TMCO6: variants seen among roughly 807,000 people sequenced by gnomAD.
The protein encoded by TMCO6 is transmembrane and coiled-coil domains 6.
In TMCO6, 47 loss-of-function variants were observed where a neutral mutation model predicts 61.8. The ratio of observed to expected loss-of-function variants is 0.76; its 90% CI spans 0.60 to 0.97. The LOEUF (loss-of-function observed/expected upper bound fraction) is 0.97, where lower values mean the gene tolerates loss of function less well. TMCO6 is among the 50% of genes least tolerant of loss of function. TMCO6 has a pLI of 0.00. For synonymous variants in TMCO6, 261 were observed against 254.2 expected, an observed-to-expected ratio of 1.03 and a Z score of -0.25; for missense variants, 557 against 601.6, an observed-to-expected ratio of 0.93 and a Z score of 0.78.
the TMCO6 span, chr5:140,632,486 C>G: frequency 4.3e-6 from 7 of 1,613,954 alleles, no homozygotes; most frequent in Middle Eastern, 3.3e-4. The surrounding 1 kb of genome is among the most constrained non-coding windows in gnomAD (Gnocchi z 6.2). Flanking sequence ...GCTTGAGCCA[C>G]TGCTGCAGCT....
At chr5:140,637,596 T>A (rs981580709), upstream of TMCO6, among the ~76,000 whole-genome samples, 6 of 152,124 alleles carry the variant, frequency 3.9e-5, no homozygotes, top group African/African-American at 1.4e-4. Context: ...TGATGGGAAG[T>A]AGGGGTTGAA....
At chr5:140,599,024 G>A in the TMCO6 span, among the ~76,000 whole-genome samples, 1 of 152,218 alleles carries the variant, frequency 6.6e-6, no homozygotes, top group African/African-American at 2.4e-5. Flanking sequence ...TTTGTTCAAT[G>A]TAATCTATCT....
Position 140,642,936 on chromosome 5 carries a change from C to T in TMCO6, c.701C>T (p.Ala234Val). 6.2e-7 allele frequency: 1 copy of T among 1,614,188 alleles called. No homozygotes were observed. The highest frequency in any genetic ancestry group is 8.5e-7 in the Non-Finnish European group (1 of 1,180,042). Residue 234 changes from alanine (A) to valine (V), a missense_variant, in exon 7 of 12, where the codon GCC (alanine) becomes GTC (valine). Coordinates refer to ENST00000394671, the MANE Select transcript of TMCO6 (RefSeq NM_018502.5). ...APEKIIPSIL[A>V]STLPQHMLQM... The stretch of plus-strand genomic sequence containing the variant: ...GCTTCTGCCAGCAGCTCCATCTTGG[C>T]CTCCACTCTCCCTCAGCACATGCTA...
In TMCO6 at chr5:140,642,634, C is replaced by G. The variant is rs774380896; in HGVS notation, c.652C>G (p.Leu218Val). The G allele has an allele frequency of 6.2e-7, 1 of 1,614,228 alleles. No individual in the cohort carries two copies. Among genetic ancestry groups the G allele is most frequent in the East Asian group, 2.2e-5 (1 of 44,888 alleles). The change falls in exon 6 of 12, where the codon CTT becomes GTT. Residue 218 changes from leucine to valine, a missense_variant. By Grantham distance (32) the Leu-to-Val change is conservative (BLOSUM62 1). Coordinates refer to ENST00000394671, the MANE Select transcript of TMCO6 (RefSeq NM_018502.5). ...LEALGYALSQLLQAEEAPEKI... is the reference protein window; with the variant it reads ...LEALGYALSQVLQAEEAPEKI... ...AGCTCTCGGATATGCCTTGTCCCAG[C>G]TTCTACAGGCTGAGGAAGCTCCAGA...
At chr5:140,636,541 T>A (rs1253538701), upstream of TMCO6, among the ~76,000 whole-genome samples, 1 of 151,762 alleles carries the variant, frequency 6.6e-6, no homozygotes, top group Non-Finnish European at 1.5e-5. Context: ...AAATTTTTTT[T>A]AATTAAAAAA....
Position 140,645,240 on chromosome 5 carries a change from C to G in TMCO6, c.*142C>G. On this transcript the variant is annotated 3_prime_UTR_variant, in exon 12 of 12. Coordinates refer to ENST00000394671, the MANE Select transcript of TMCO6 (RefSeq NM_018502.5). ...AAGCCAAGACCTTTGGGTCCCAGCT[C>G]CTCCCCTTCCACTCAGCACTATCCA... 1.2e-6 allele frequency: 1 copy of G among 824,650 alleles called. No homozygotes were observed. Among genetic ancestry groups the G allele is most frequent in the Non-Finnish European group, 1.9e-6 (1 of 514,482 alleles). The allele number at this position is 824,650 out of a possible 1,614,324, so 51.1% of individuals were successfully genotyped here.
At chr5:140,610,000 G>A in the TMCO6 span, among the ~76,000 whole-genome samples, 1 of 151,696 alleles carries the variant, frequency 6.6e-6, no homozygotes, top group African/African-American at 2.4e-5. Context: ...AGCCTCCCAA[G>A]TAACTGGGAC....
At chr5:140,642,103 T>C in intron 4 of TMCO6, 50 bp downstream of exon 4, 2 of 1,573,582 alleles carry the variant, frequency 1.3e-6, no homozygotes, top group Non-Finnish European at 1.7e-6. Context: ...TTTAAAATTG[T>C]GCTTTTGGGA....
chr5:140,631,760 G>C, the TMCO6 span: 1 of 1,154,364 alleles, frequency 8.7e-7, no homozygotes, highest in Non-Finnish European at 1.2e-6. Flanking sequence ...TAAAGGTGGG[G>C]CAAAGGGTTG....
the TMCO6 span, among the ~76,000 whole-genome samples, chr5:140,630,234 C>T: frequency 3.3e-5 from 5 of 151,886 alleles, no homozygotes; most frequent in Admixed American, 6.6e-5. Flanking sequence ...CCTCGTGATC[C>T]GCCCACCTCA....
chr5:140,612,413 C>T, the TMCO6 span, among the ~76,000 whole-genome samples: 3 of 147,868 alleles, frequency 2.0e-5, no homozygotes, highest in Admixed American at 2.0e-4. Flanking sequence ...TATCTCGGCT[C>T]ACTGCAAGCT....
chr5:140,596,571 C>T, the TMCO6 span, among the ~76,000 whole-genome samples: 69 of 152,266 alleles, frequency 4.5e-4, no homozygotes, highest in Non-Finnish European at 7.9e-4. Flanking sequence ...ACCCAGTTCT[C>T]TCTTTTTTGC....
downstream of TMCO6, among the ~76,000 whole-genome samples, chr5:140,646,354 C>A (rs142709800): frequency 2.8e-3 from 420 of 152,240 alleles, 3 homozygotes; most frequent in Middle Eastern, 0.014. Flanking sequence ...TAACATAATA[C>A]CCAGCACAAT....
the TMCO6 span, chr5:140,632,262 C>T: frequency 2.5e-6 from 4 of 1,613,738 alleles, no homozygotes; most frequent in Non-Finnish European, 3.4e-6. This position sits in a 1 kb window ranked among gnomAD's most constrained non-coding sequence, Gnocchi z 6.2. Context: ...CAGTGCGGCG[C>T]ACACGCCTGT....
chr5:140,626,692 G>T, the TMCO6 span, among the ~76,000 whole-genome samples: 19 of 151,938 alleles, frequency 1.3e-4, no homozygotes, highest in African/African-American at 4.6e-4. Context: ...CTGCACCTCT[G>T]CCACCATGCC....
chr5:140,645,479 T>C (rs1304211220), downstream of TMCO6: 3 of 1,436,280 alleles, frequency 2.1e-6, no homozygotes, highest in Non-Finnish European at 2.9e-6. Flanking sequence ...GAAAGTATTT[T>C]ACAGCACAAG....
At chr5:140,614,574 C>T in the TMCO6 span, among the ~76,000 whole-genome samples, 1 of 152,068 alleles carries the variant, frequency 6.6e-6, no homozygotes, top group African/African-American at 2.4e-5. Context: ...GAAAGCTTTC[C>T]CTCTAAGGTC....
chr5:140,628,822 T>C, the TMCO6 span, among the ~76,000 whole-genome samples: 2 of 152,076 alleles, frequency 1.3e-5, no homozygotes, highest in East Asian at 3.9e-4. Context: ...AAAATAAGGG[T>C]TACTGAACAC....
At chr5:140,641,409 T>G in intron 2 of TMCO6, 1 of 476,080 alleles carries the variant, frequency 2.1e-6, no homozygotes, top group Non-Finnish European at 3.9e-6. Flanking sequence ...GCAGGATAGA[T>G]ATTGTTATTC....
Sources: allele counts gnomAD v4.1 joint callset (sites outside exome capture counted in the v4.1 genomes callset), GRCh38; gene constraint gnomAD v4.1.1; non-coding constraint Gnocchi (gnomAD v3.1); transcripts MANE v1.5; gene names NCBI Gene and HGNC (gene_info 2026-07-23, HGNC 2026-07-21).